Variants in SLC14A2 observed in about 807,000 individuals in gnomAD.
SLC14A2 encodes the protein urea transporter 2.
In SLC14A2, 91 loss-of-function variants were observed where a neutral mutation model predicts 104.6. The ratio of observed to expected loss-of-function variants is 0.87; its 90% CI spans 0.73 to 1.04. The LOEUF (loss-of-function observed/expected upper bound fraction) is 1.04, where lower values mean the gene tolerates loss of function less well. Among genes scored for constraint, SLC14A2 ranks in the 50% least tolerant of loss-of-function variants. The pLI, the probability that SLC14A2 is intolerant of heterozygous loss-of-function variation, is 0.00. For synonymous variants in SLC14A2, 476 were observed against 466.4 expected (o/e 1.02, Z -0.27); for missense variants, 1,189 against 1,156.0 (o/e 1.03, Z -0.41).
chr18:45,243,935 G>A (rs1035528383), intron 1 of SLC14A2, among the ~76,000 whole-genome samples: 1 of 152,140 alleles, frequency 6.6e-6, no homozygotes, highest in Non-Finnish European at 1.5e-5. Flanking sequence ...AATCTGATTG[G>A]CACAAGAGTT....
chr18:45,591,657 G>T (rs974938394), intron 2 of SLC14A2, among the ~76,000 whole-genome samples: 1 of 152,166 alleles, frequency 6.6e-6, no homozygotes, highest in Non-Finnish European at 1.5e-5. Context: ...TTTCTAACAA[G>T]CACCCAGTGC....
At chr18:45,295,410 AC>A (rs1249522240) in intron 1 of SLC14A2, among the ~76,000 whole-genome samples, 2 of 152,062 alleles carry the variant, frequency 1.3e-5, no homozygotes. Context: ...TGTGACCATG[AC>A]GAGCATTATT....
At chr18:45,378,548 C>G (rs2085799658) in intron 1 of SLC14A2, among the ~76,000 whole-genome samples, 2 of 152,288 alleles carry the variant, frequency 1.3e-5, no homozygotes, top group Non-Finnish European at 2.9e-5. Flanking sequence ...GTCCTGAATT[C>G]TAATTTATTC....
chr18:45,636,992 C>G lies in SLC14A2; in HGVS notation c.653C>G (p.Pro218Arg), dbSNP rs1169452121. The G allele has an allele frequency of 1.2e-6, 2 of 1,613,598 alleles. No individual in the cohort carries two copies. The highest frequency in any genetic ancestry group is 1.7e-6 in the Non-Finnish European group (2 of 1,179,636). Residue 218 changes from proline (P) to arginine (R), a missense_variant and splice_region_variant, in exon 6 of 20, where the codon CCA becomes CGA. Physicochemically the swap from Pro to Arg is moderately radical, Grantham distance 103. Transcript: ENST00000255226. ...FPVTFTAMSCPVLSSALNSIF... is the reference protein window; with the variant it reads ...FPVTFTAMSCRVLSSALNSIF... ...CCCTCTGTCTCTTGCATCTTCAGCC[C>G]AGTTCTTTCTAGTGCCTTGAATTCC...
chr18:45,555,847 G>A (rs2044125774), intron 2 of SLC14A2, among the ~76,000 whole-genome samples: 1 of 152,200 alleles, frequency 6.6e-6, no homozygotes, highest in African/African-American at 2.4e-5. Flanking sequence ...TTCTGGGGGT[G>A]TAAACAGACT....
chr18:45,356,010 G>A (rs1158167433), intron 1 of SLC14A2, among the ~76,000 whole-genome samples: 1 of 152,162 alleles, frequency 6.6e-6, no homozygotes. Flanking sequence ...GAACAGTCCA[G>A]GACTGCTGAG....
intron 2 of SLC14A2, among the ~76,000 whole-genome samples, chr18:45,559,200 A>G (rs2044172231): frequency 6.6e-6 from 1 of 152,310 alleles, no homozygotes; most frequent in South Asian, 2.1e-4. Context: ...AAGATGAGAT[A>G]CGTAAGCAGC....
intron 1 of SLC14A2, among the ~76,000 whole-genome samples, chr18:45,618,885 C>G (rs1318011254): frequency 1.3e-5 from 2 of 152,068 alleles, no homozygotes; most frequent in African/African-American, 4.8e-5. Flanking sequence ...GAAATAGGCA[C>G]AGCCCCTCTT....
intron 1 of SLC14A2, among the ~76,000 whole-genome samples, chr18:45,335,973 T>A (rs2085334290): frequency 6.6e-6 from 1 of 152,200 alleles, no homozygotes; most frequent in Admixed American, 6.5e-5. Context: ...GAAAATGGCT[T>A]AATCTGTGTT....
rs1393201868 is a variant in SLC14A2, at chr18:45,571,266, T to C, written c.-34-53365T>C. 2.6e-5 allele frequency among the ~76,000 whole-genome samples: 4 copies of C among 152,262 alleles called. No individual in the cohort carries two copies. The East Asian group carries it at 7.7e-4, about 29-fold the overall frequency. On this transcript the variant is annotated intron_variant, in intron 2 of 20. Transcript: ENST00000586448. ...AAACATTTATTTAATAAATTCTTTG[T>C]GCTGAGCATTGGGTTAGTTGTACTT...
rs551253847 is a variant in SLC14A2 at position 45,295,519 on chromosome 18, G to C, written c.-125+82328G>C. Among the ~76,000 whole-genome samples, 54 of 152,208 alleles carry C rather than the reference G, an allele frequency of 3.5e-4. 1 individual carries two copies. Among genetic ancestry groups the C allele is most frequent in the African/African-American group, 1.3e-3 (52 of 41,522 alleles). ...ACCGCTGAAGAGGAGAACTAGTAAA[G>C]AGCCCATTACAAACATTTTCCTAGA... On this transcript the variant is annotated intron_variant, in intron 1 of 20. Transcript: ENST00000586448.
the SLC14A2 span, among the ~76,000 whole-genome samples, chr18:45,202,482 G>T: frequency 6.6e-6 from 1 of 152,236 alleles, no homozygotes; most frequent in African/African-American, 2.4e-5. Context: ...TATGCAAGTC[G>T]TTCTGCTCAA....
chr18:45,668,624 G>C (rs1469201062), intron 15 of SLC14A2, 147 bp downstream of exon 15: 53 of 838,270 alleles, frequency 6.3e-5, no homozygotes, highest in South Asian at 5.6e-4. Flanking sequence ...TAATAACTAA[G>C]TTTATACCAT....
intron 1 of SLC14A2, among the ~76,000 whole-genome samples, chr18:45,384,569 T>C (rs1476306946): frequency 6.6e-6 from 1 of 152,156 alleles, no homozygotes. Context: ...GGAAGGGATT[T>C]ATGATCTAAT....
intron 1 of SLC14A2, among the ~76,000 whole-genome samples, chr18:45,340,201 A>G (rs185066988): frequency 7.2e-5 from 11 of 152,244 alleles, no homozygotes; most frequent in Non-Finnish European, 1.2e-4. Context: ...TCATCTCCAA[A>G]TTTTGGCTTG....
At chr18:45,457,946 G>A (rs2086973670) in intron 1 of SLC14A2, among the ~76,000 whole-genome samples, 1 of 152,210 alleles carries the variant, frequency 6.6e-6, no homozygotes, top group Admixed American at 6.5e-5. Context: ...AAGAATCAGG[G>A]AGGAAAGTTG....
At chr18:45,313,110 G>A (rs2085095286) in intron 1 of SLC14A2, among the ~76,000 whole-genome samples, 1 of 151,996 alleles carries the variant, frequency 6.6e-6, no homozygotes, top group Admixed American at 6.6e-5. Context: ...GGTCCCCTAT[G>A]GAGCTTTCAC....
At chr18:45,665,017 C>A (rs1176181034) in intron 11 of SLC14A2, among the ~76,000 whole-genome samples, 1 of 152,148 alleles carries the variant, frequency 6.6e-6, no homozygotes, top group Non-Finnish European at 1.5e-5. Flanking sequence ...GTGGGGATAT[C>A]ACACACAGGC....
At chr18:45,376,374 T>A (rs2085774968) in intron 1 of SLC14A2, among the ~76,000 whole-genome samples, 2 of 152,154 alleles carry the variant, frequency 1.3e-5, no homozygotes, top group Admixed American at 1.3e-4. Flanking sequence ...GTCATAAGCC[T>A]CTCCAGACTC....
Sources: allele counts gnomAD v4.1 joint callset (sites outside exome capture counted in the v4.1 genomes callset), GRCh38; gene constraint gnomAD v4.1.1; transcripts MANE v1.5; gene names NCBI Gene and HGNC (gene_info 2026-07-23, HGNC 2026-07-21).